Variants in SLC25A31 observed in about 807,000 individuals in gnomAD.
SLC25A31 encodes the protein solute carrier family 25 member 31, also known as ADP/ATP translocase 4.
In SLC25A31, 40 loss-of-function variants were observed where a neutral mutation model predicts 36.2. That is an observed-to-expected ratio of 1.10 (90% confidence interval 0.86 to 1.44). The LOEUF is 1.44. Among genes scored for constraint, SLC25A31 ranks in the 40% most tolerant of loss-of-function variants. The pLI is 0.00. For synonymous variants in SLC25A31, 143 were observed against 149.7 expected (o/e 0.96, Z 0.32); for missense variants, 350 against 397.1 (o/e 0.88, Z 1.01).
At position 127,773,406 on chromosome 4, in the gene SLC25A31, A is replaced by G; in HGVS notation, c.780A>G (p.Gln260=). The change falls in exon 6 of 6, where the codon CAA becomes CAG. Residue 260 remains glutamine (Q), a synonymous_variant. Coordinates refer to ENST00000281154, the MANE Select transcript of SLC25A31 (RefSeq NM_031291.4). ...MMMQSGEAKR[Q]YKGTLDCFVK... ...TATAGAGTGGTGAGGCTAAACGGCA[A>G]TATAAAGGAACCTTAGACTGCTTTG... is the stretch of plus-strand genomic sequence containing the variant. The G allele has an allele frequency of 6.2e-7, 1 of 1,612,780 alleles. No homozygotes were observed. Among genetic ancestry groups the G allele is most frequent in the Non-Finnish European group, 8.5e-7 (1 of 1,179,692 alleles).
chr4:127,749,202 AAGAT>A (rs1731878266), intron 2 of SLC25A31, among the ~76,000 whole-genome samples: 1 of 152,156 alleles, frequency 6.6e-6, no homozygotes, highest in African/African-American at 2.4e-5. Context: ...AGCAAACTCA[AAGAT>A]AGGTCATTTA....
intron 2 of SLC25A31, among the ~76,000 whole-genome samples, chr4:127,762,466 T>C (rs185260752): frequency 6.6e-6 from 1 of 152,262 alleles, no homozygotes; most frequent in Non-Finnish European, 1.5e-5. Context: ...GCCTGGGGTT[T>C]CTTTTTGGTG....
intron 2 of SLC25A31, among the ~76,000 whole-genome samples, chr4:127,746,147 T>C (rs538083604): frequency 1.3e-4 from 20 of 152,374 alleles, no homozygotes; most frequent in Admixed American, 7.8e-4. Flanking sequence ...TTGTACTTTT[T>C]TATGGCTGCA....
At chr4:127,752,516 A>T (rs1349919279) in intron 2 of SLC25A31, among the ~76,000 whole-genome samples, 1 of 152,094 alleles carries the variant, frequency 6.6e-6, no homozygotes, top group Non-Finnish European at 1.5e-5. Flanking sequence ...ATGTATACAT[A>T]TGTAACAAAC....
chr4:127,766,157 T>A (rs561961418), intron 3 of SLC25A31, among the ~76,000 whole-genome samples: 99 of 151,660 alleles, frequency 6.5e-4, no homozygotes, highest in African/African-American at 1.8e-3. Flanking sequence ...TATTTGTTTT[T>A]TTTTTTGTTT....
chr4:127,755,024 G>A (rs780634723), intron 2 of SLC25A31, among the ~76,000 whole-genome samples: 3 of 152,190 alleles, frequency 2.0e-5, no homozygotes, highest in African/African-American at 7.2e-5. Flanking sequence ...TGACAAAGAA[G>A]CCAAGAACAC....
At chr4:127,738,607 T>A (rs1731676232) in intron 1 of SLC25A31, among the ~76,000 whole-genome samples, 1 of 152,216 alleles carries the variant, frequency 6.6e-6, no homozygotes. Flanking sequence ...GAGTATTCTA[T>A]AGATGTCTAT....
At chr4:127,747,865 A>T (rs1255697769) in intron 2 of SLC25A31, among the ~76,000 whole-genome samples, 1 of 152,214 alleles carries the variant, frequency 6.6e-6, no homozygotes, top group Non-Finnish European at 1.5e-5. Context: ...ACTGTGGTTT[A>T]TTAAAGCAAA....
chr4:127,749,708 C>CAAAAAA (rs34540386), intron 2 of SLC25A31, among the ~76,000 whole-genome samples: 36 of 106,150 alleles, frequency 3.4e-4, no homozygotes, highest in African/African-American at 1.2e-3. Context: ...GACTCCATCT[C>CAAAAAA]AAAAAAAAAA....
intron 1 of SLC25A31, among the ~76,000 whole-genome samples, chr4:127,733,316 T>C (rs1240604651): frequency 1.3e-5 from 2 of 152,212 alleles, no homozygotes; most frequent in Non-Finnish European, 2.9e-5. Flanking sequence ...TTTTTAATTT[T>C]TTCAGATTTT....
intron 1 of SLC25A31, among the ~76,000 whole-genome samples, chr4:127,738,172 G>A (rs1360862661): frequency 6.6e-6 from 1 of 152,104 alleles, no homozygotes; most frequent in Non-Finnish European, 1.5e-5. Context: ...AGAGTCAAGC[G>A]ATTCCCACTC....
chr4:127,738,822 ATCT>A (rs1731681786), intron 1 of SLC25A31, among the ~76,000 whole-genome samples: 1 of 152,062 alleles, frequency 6.6e-6, no homozygotes, highest in African/African-American at 2.4e-5. Context: ...GGATAGTTAA[ATCT>A]TCTTGTTGAA....
At chr4:127,760,099 CTGAGT>C in intron 2 of SLC25A31, among the ~76,000 whole-genome samples, 1 of 152,182 alleles carries the variant, frequency 6.6e-6, no homozygotes, top group Non-Finnish European at 1.5e-5. Context: ...AAACACACAA[CTGAGT>C]CATGTTAAAC....
At chr4:127,768,691 C>G in intron 4 of SLC25A31, 61 bp from the exon 5 acceptor site, 1 of 1,388,044 alleles carries the variant, frequency 7.2e-7, no homozygotes, top group East Asian at 2.5e-5. Flanking sequence ...TATCCTTTAA[C>G]TTAAGAATTT....
At position 127,743,415 on chromosome 4, in the gene SLC25A31, C is replaced by T. The variant is rs138015950; in HGVS notation, c.233-1257C>T. On this transcript the variant is annotated intron_variant, in intron 1 of 5. Coordinates refer to ENST00000281154, the MANE Select transcript of SLC25A31 (RefSeq NM_031291.4). ...CTTCCCAAAGTGCTGGAATTACAGGCGTGAGCCACTGCACCTAGCCTAGTT... is the reference window on the plus strand; with the variant it reads ...CTTCCCAAAGTGCTGGAATTACAGGTGTGAGCCACTGCACCTAGCCTAGTT... Among the ~76,000 whole-genome samples, 1,329 of 152,264 alleles carry T rather than the reference C, an allele frequency of 8.7e-3. 23 individuals carry two copies. The highest frequency in any genetic ancestry group is 0.03 in the African/African-American group (1,240 of 41,554).
chr4:127,755,343 G>A (rs139865949), intron 2 of SLC25A31, among the ~76,000 whole-genome samples: 12 of 152,220 alleles, frequency 7.9e-5, no homozygotes, highest in East Asian at 1.9e-4. Context: ...GAGACAACCC[G>A]TGACTTGGGA....
chr4:127,738,027 G>C (rs893213550), intron 1 of SLC25A31, among the ~76,000 whole-genome samples: 6 of 152,056 alleles, frequency 3.9e-5, no homozygotes, highest in Non-Finnish European at 7.4e-5. Context: ...GTGTAAAATA[G>C]CCTTCAAAAA....
chr4:127,735,925 T>C (rs1368108770), intron 1 of SLC25A31, among the ~76,000 whole-genome samples: 1 of 143,586 alleles, frequency 7.0e-6, no homozygotes, highest in East Asian at 2.1e-4. Context: ...AGTCTCGCTC[T>C]GTCGCCCAGG....
chr4:127,755,559 AG>A (rs1732013880), intron 2 of SLC25A31, among the ~76,000 whole-genome samples: 1 of 152,242 alleles, frequency 6.6e-6, no homozygotes, highest in African/African-American at 2.4e-5. Context: ...ATTACTAGCC[AG>A]GGAAATGCAA....
Sources: allele counts gnomAD v4.1 joint callset (sites outside exome capture counted in the v4.1 genomes callset), GRCh38; gene constraint gnomAD v4.1.1; transcripts MANE v1.5; gene names NCBI Gene and HGNC (gene_info 2026-07-23, HGNC 2026-07-21).